Variants in ARHGAP15 observed in about 807,000 individuals in gnomAD.
ARHGAP15 encodes the protein rho GTPase-activating protein 15.
Under a neutral mutation model 63.7 loss-of-function variants are expected in ARHGAP15, and 51 were observed. The ratio of observed to expected loss-of-function variants is 0.80; its 90% CI spans 0.64 to 1.01. The LOEUF is 1.01. ARHGAP15 is among the 50% of genes least tolerant of loss of function. The pLI is 0.00. For missense variants in ARHGAP15, 560 were observed against 564.6 expected, an observed-to-expected ratio of 0.99 and a Z score of 0.08; for synonymous variants, 191 against 193.8, an observed-to-expected ratio of 0.99 and a Z score of 0.12.
At chr2:143,502,401 C>T (rs1693104966) in intron 9 of ARHGAP15, among the ~76,000 whole-genome samples, 1 of 151,726 alleles carries the variant, frequency 6.6e-6, no homozygotes, top group Admixed American at 6.6e-5. Context: ...AAGAGTAAAA[C>T]TCCCTCTCAA....
intron 3 of ARHGAP15, among the ~76,000 whole-genome samples, chr2:143,215,990 G>A (rs942002289): frequency 1.3e-5 from 2 of 152,116 alleles, no homozygotes; most frequent in Non-Finnish European, 2.9e-5. Flanking sequence ...CCTTTATCCC[G>A]GCTTCGGAAG....
intron 3 of ARHGAP15, among the ~76,000 whole-genome samples, chr2:143,207,115 A>G (rs1692360951): frequency 6.6e-6 from 1 of 151,902 alleles, no homozygotes; most frequent in Admixed American, 6.6e-5. Flanking sequence ...AGCATAAGCT[A>G]ATATCAGAAG....
intron 10 of ARHGAP15, among the ~76,000 whole-genome samples, chr2:143,548,081 T>C (rs776092351): frequency 3.7e-4 from 56 of 152,168 alleles, no homozygotes; most frequent in Non-Finnish European, 7.1e-4. Flanking sequence ...ACAACACCTG[T>C]CTTCCCTGGT....
At chr2:143,406,736 A>G (rs1261368906) in intron 6 of ARHGAP15, among the ~76,000 whole-genome samples, 3 of 151,968 alleles carry the variant, frequency 2.0e-5, no homozygotes, top group Non-Finnish European at 4.4e-5. Flanking sequence ...CATGAATTTC[A>G]TATTCTCAGT....
intron 2 of ARHGAP15, among the ~76,000 whole-genome samples, chr2:143,197,909 C>A (rs924922139): frequency 2.6e-5 from 4 of 151,684 alleles, no homozygotes; most frequent in African/African-American, 9.7e-5. Flanking sequence ...TTAGAAATAT[C>A]TTTTTATGCA....
chr2:143,362,240 T>A (rs931643297), intron 6 of ARHGAP15, among the ~76,000 whole-genome samples: 2 of 152,194 alleles, frequency 1.3e-5, no homozygotes, highest in African/African-American at 4.8e-5. Flanking sequence ...TTTCCCTGTG[T>A]CTCCCATTAG....
intron 1 of ARHGAP15, among the ~76,000 whole-genome samples, chr2:143,134,104 A>AATGT (rs1689020460): frequency 7.1e-6 from 1 of 141,356 alleles, no homozygotes; most frequent in African/African-American, 2.5e-5. Context: ...TCTATTTGAA[A>AATGT]ATCTATCTAT....
intron 6 of ARHGAP15, among the ~76,000 whole-genome samples, chr2:143,342,148 G>A (rs1233787540): frequency 6.6e-6 from 1 of 152,048 alleles, no homozygotes; most frequent in Non-Finnish European, 1.5e-5. Flanking sequence ...ATAACGACAT[G>A]ATAGAAAATT....
intron 1 of ARHGAP15, among the ~76,000 whole-genome samples, chr2:143,154,787 C>T (rs1324707151): frequency 2.0e-5 from 3 of 151,896 alleles, no homozygotes; most frequent in Admixed American, 2.0e-4. Flanking sequence ...CTCATTGCTG[C>T]TCCTTTAAAG....
chr2:143,535,823 T>A (rs2105028221), intron 10 of ARHGAP15, among the ~76,000 whole-genome samples: 1 of 152,334 alleles, frequency 6.6e-6, no homozygotes, highest in South Asian at 2.1e-4. Flanking sequence ...TGAGATACAT[T>A]TATAATTGAT....
At chr2:143,208,501 A>G (rs1298749247) in intron 3 of ARHGAP15, among the ~76,000 whole-genome samples, 6 of 152,176 alleles carry the variant, frequency 3.9e-5, no homozygotes, top group Admixed American at 2.0e-4. Context: ...CCTAATCTGA[A>G]TCTAAAATTT....
intron 11 of ARHGAP15, among the ~76,000 whole-genome samples, chr2:143,594,429 G>C (rs1050609433): frequency 6.6e-6 from 1 of 152,126 alleles, no homozygotes; most frequent in Non-Finnish European, 1.5e-5. Context: ...TGCTAATTAC[G>C]GTGTGCTCGG....
At chr2:143,153,404 T>C (rs1689913810) in intron 1 of ARHGAP15, among the ~76,000 whole-genome samples, 1 of 152,014 alleles carries the variant, frequency 6.6e-6, no homozygotes, top group South Asian at 2.1e-4. Context: ...AAAAAAACTC[T>C]TGCATTCTCA....
intron 5 of ARHGAP15, 33 bp from the exon 6 acceptor site, chr2:143,250,478 C>T (rs751821478): frequency 1.3e-6 from 2 of 1,530,582 alleles, no homozygotes. Context: ...AGTGTTGCAT[C>T]CTCTTATTCT....
At chr2:143,547,432 G>T (rs1194202999) in intron 10 of ARHGAP15, among the ~76,000 whole-genome samples, 1 of 151,920 alleles carries the variant, frequency 6.6e-6, no homozygotes, top group Non-Finnish European at 1.5e-5. Context: ...TAAATTAGAT[G>T]TATAGAGGCT....
intron 6 of ARHGAP15, among the ~76,000 whole-genome samples, chr2:143,260,253 C>T (rs867009629): frequency 6.6e-6 from 1 of 152,084 alleles, no homozygotes; most frequent in Admixed American, 6.6e-5. Flanking sequence ...TTTGATGATT[C>T]TCAAGCATCA....
rs180706021 is a variant in ARHGAP15 at position 143,273,709 on chromosome 2, C to A, written c.474+23109C>A. Among the ~76,000 whole-genome samples the A allele has an allele frequency of 6.6e-5, 10 of 152,122 alleles. No individual in the cohort carries two copies. In the East Asian group the frequency reaches 1.7e-3, roughly 26 times the overall value. The stretch of plus-strand genomic sequence containing the variant: ...TGTACAATTTTTTAATTTTATAAAT[C>A]TCTTCTGCTAATCTTACTTTGTAAA... On this transcript the variant is annotated intron_variant, in intron 6 of 13. Transcript: ENST00000295095.
At chr2:143,455,283 T>C (rs1182144278) in intron 8 of ARHGAP15, among the ~76,000 whole-genome samples, 1 of 152,106 alleles carries the variant, frequency 6.6e-6, no homozygotes, top group Admixed American at 6.6e-5. Context: ...AAAAGACATT[T>C]AGCATGCTGA....
chr2:143,441,103 T>C (rs1341747034), intron 8 of ARHGAP15, among the ~76,000 whole-genome samples: 2 of 152,040 alleles, frequency 1.3e-5, no homozygotes, highest in East Asian at 3.9e-4. Flanking sequence ...GTAGGAGCTC[T>C]TATTATTATC....
Sources: allele counts gnomAD v4.1 joint callset (sites outside exome capture counted in the v4.1 genomes callset), GRCh38; gene constraint gnomAD v4.1.1; transcripts MANE v1.5; gene names NCBI Gene and HGNC (gene_info 2026-07-23, HGNC 2026-07-21).